CEP350: variants seen among roughly 807,000 people sequenced by gnomAD.
CEP350 encodes the protein centrosomal protein 350.
CEP350 carries 126 observed loss-of-function variants against 331.8 expected under a neutral mutation model. The ratio of observed to expected loss-of-function variants is 0.38; its 90% CI spans 0.33 to 0.44. The LOEUF (loss-of-function observed/expected upper bound fraction) is 0.44, where lower values mean the gene tolerates loss of function less well. Among genes scored for constraint, CEP350 ranks in the 20% least tolerant of loss-of-function variants. CEP350 has a pLI of 1.00. For synonymous variants in CEP350, 1,200 were observed against 1,259.5 expected (o/e 0.95, Z 1.00); for missense variants, 3,406 against 3,634.6 (o/e 0.94, Z 1.62).
intron 37 of CEP350, among the ~76,000 whole-genome samples, chr1:180,101,689 C>G (rs1660825008): frequency 2.0e-5 from 3 of 152,198 alleles, no homozygotes; most frequent in Admixed American, 2.0e-4. Context: ...TCCACACACA[C>G]ATACCAGTTG....
rs1281123308 is a variant in CEP350, at chr1:179,959,319, G to A, written c.-14+4177G>A. Reference sequence around the variant, plus strand: ...AAAAATACGAAAACTAGCAAGGCGTGGTGGCAGGCCTGTAATCCCAGCTAC... The same window carrying A: ...AAAAATACGAAAACTAGCAAGGCGTAGTGGCAGGCCTGTAATCCCAGCTAC... On this transcript the variant is annotated intron_variant, in intron 1 of 37. Transcript: ENST00000367607. Among the ~76,000 whole-genome samples the A allele has an allele frequency of 2.6e-5, 4 of 152,198 alleles. No individual in the cohort carries two copies. In the East Asian group the frequency reaches 7.7e-4, roughly 29 times the overall value.
At chr1:179,990,367 T>C (rs1409490626) in intron 3 of CEP350, 140 bp from the exon 4 acceptor site, 3 of 412,198 alleles carry the variant, frequency 7.3e-6, no homozygotes, top group African/African-American at 2.0e-5. Context: ...AAAACAAATA[T>C]TATAAGAAAG....
rs201259041 is a variant in CEP350, at chr1:180,014,302, G to T, written c.1849G>T (p.Ala617Ser). 6 of 1,594,706 alleles carry T rather than the reference G, an allele frequency of 3.8e-6. No homozygotes were observed. Among genetic ancestry groups the T allele is most frequent in the African/African-American group, 1.3e-5 (1 of 74,500 alleles). Residue 617 changes from alanine (A) to serine (S), a missense_variant, in exon 10 of 38, where the codon GCT becomes TCT. Transcript: ENST00000367607. ...GAGAAAGCAAAATGAAGAGAAGAAG[G>T]CTCAAAAGGAGGCTACAGAACAGAA... Reference protein sequence around the residue: ...RKRKQNEEKKAQKEATEQKNK... With the variant: ...RKRKQNEEKKSQKEATEQKNK...
At chr1:179,977,475 G>T (rs2148628088) in intron 1 of CEP350, among the ~76,000 whole-genome samples, 1 of 152,254 alleles carries the variant, frequency 6.6e-6, no homozygotes, top group South Asian at 2.1e-4. Context: ...ATACACAGAG[G>T]ACTCCAGCCA....
In CEP350 at chr1:180,030,624, A is replaced by T. The variant is rs544273462; in HGVS notation, c.3551-696A>T. On this transcript the variant is annotated intron_variant, in intron 14 of 37. Transcript: ENST00000367607. ...TAGTTACCTCATCAGTAAATTTGGGATATAGTACTTATTTCATAACATGTT... is the reference window on the plus strand; with the variant it reads ...TAGTTACCTCATCAGTAAATTTGGGTTATAGTACTTATTTCATAACATGTT... 6.1e-4 allele frequency among the ~76,000 whole-genome samples: 93 copies of T among 152,020 alleles called. 1 individual carries two copies. The highest frequency in any genetic ancestry group is 3.2e-3 in the Admixed American group (49 of 15,260).
chr1:179,958,739 A>T (rs116343020), intron 1 of CEP350, among the ~76,000 whole-genome samples: 1,658 of 152,342 alleles, frequency 0.011, 13 homozygotes, highest in Non-Finnish European at 0.017. Flanking sequence ...AATAAGCATT[A>T]ATAAGCGCCA....
At chr1:180,085,870 T>A (rs552034865) in intron 31 of CEP350, 1 of 152,226 alleles carries the variant, frequency 6.6e-6, no homozygotes, top group Non-Finnish European at 1.5e-5. Context: ...AAATGCCTAT[T>A]TATGTGCCAG....
Position 180,111,639 on chromosome 1 carries a change from A to G in CEP350, c.*478A>G, listed in dbSNP as rs1436115287. ...ACCACTTCTAAAATAGGCAAGCTCA[A>G]TAATGTCTGCCAACTTCACATTCTG... On this transcript the variant is annotated 3_prime_UTR_variant, in exon 38 of 38. Transcript: ENST00000367607. 1 of 152,820 alleles carries G rather than the reference A, an allele frequency of 6.5e-6. No homozygotes were observed. The highest frequency in any genetic ancestry group is 1.5e-5 in the Non-Finnish European group (1 of 68,166). The allele number at this position is 152,820 out of a possible 1,614,324, so 9.5% of individuals were successfully genotyped here. A position where few individuals can be genotyped will look rare whatever the true frequency, so the allele number is the denominator to read the frequency against.
chr1:179,969,547 C>G (rs905366200), intron 1 of CEP350: 3 of 363,722 alleles, frequency 8.2e-6, no homozygotes, highest in African/African-American at 6.4e-5. Context: ...AACATGGAAA[C>G]AGGGTTGATG....
At chr1:179,994,673 C>G (rs1232147155) in intron 5 of CEP350, among the ~76,000 whole-genome samples, 1 of 151,948 alleles carries the variant, frequency 6.6e-6, no homozygotes, top group African/African-American at 2.4e-5. Flanking sequence ...AGGCTGGTCT[C>G]ATACTCCTGG....
chr1:180,103,300 T>C (rs1660933397), intron 37 of CEP350, among the ~76,000 whole-genome samples: 2 of 152,220 alleles, frequency 1.3e-5, no homozygotes, highest in Non-Finnish European at 2.9e-5. Context: ...GTTTTTTCTA[T>C]TGGCACAATT....
intron 15 of CEP350, among the ~76,000 whole-genome samples, chr1:180,032,100 T>C (rs923771279): frequency 1.2e-4 from 19 of 152,126 alleles, no homozygotes; most frequent in African/African-American, 4.6e-4. Context: ...TTTTCTCTTC[T>C]TTCTAATATT....
chr1:180,027,669 G>A (rs1293763371), intron 14 of CEP350, among the ~76,000 whole-genome samples: 6 of 152,150 alleles, frequency 3.9e-5, no homozygotes, highest in African/African-American at 1.4e-4. Flanking sequence ...ATAGGCGTGA[G>A]CCACTGCACC....
At chr1:179,979,197 G>C (rs1652094416) in intron 1 of CEP350, among the ~76,000 whole-genome samples, 2 of 152,184 alleles carry the variant, frequency 1.3e-5, no homozygotes, top group African/African-American at 2.4e-5. Flanking sequence ...TAGTATGTAA[G>C]AGTTCCTTTT....
At chr1:180,044,221 T>C (rs1490836992) in intron 21 of CEP350, 48 bp downstream of exon 21, 1 of 1,464,390 alleles carries the variant, frequency 6.8e-7, no homozygotes, top group Non-Finnish European at 9.1e-7. Flanking sequence ...TAGATTGTGA[T>C]AAATGGCTTA....
chr1:180,035,622 C>T (rs986070099), intron 16 of CEP350, among the ~76,000 whole-genome samples: 6 of 152,136 alleles, frequency 3.9e-5, no homozygotes, highest in African/African-American at 1.4e-4. Context: ...TGTTTACAGC[C>T]CTCAGGTTTA....
At chr1:179,974,554 T>C (rs1310004101) in intron 1 of CEP350, among the ~76,000 whole-genome samples, 2 of 152,254 alleles carry the variant, frequency 1.3e-5, no homozygotes, top group Non-Finnish European at 2.9e-5. Flanking sequence ...ATTACAGCAC[T>C]CATTATATTG....
intron 5 of CEP350, among the ~76,000 whole-genome samples, chr1:179,993,269 A>G (rs1240937448): frequency 1.3e-5 from 2 of 152,118 alleles, no homozygotes; most frequent in Non-Finnish European, 2.9e-5. Flanking sequence ...TTGAAGAAGA[A>G]TAATCGAAGT....
At chr1:179,960,055 C>T (rs1650472438) in intron 1 of CEP350, among the ~76,000 whole-genome samples, 1 of 152,060 alleles carries the variant, frequency 6.6e-6, no homozygotes, top group African/African-American at 2.4e-5. Context: ...TTAAGAAATA[C>T]TAAAAACAAG....
Sources: gnomAD v4.1 joint callset for allele counts (sites outside exome capture counted in the v4.1 genomes callset) on GRCh38, gnomAD v4.1.1 for gene constraint, MANE v1.5 for transcripts, NCBI Gene and HGNC (gene_info 2026-07-23, HGNC 2026-07-21) for gene names.